Variants in ABCC4 observed in about 807,000 individuals in gnomAD.
ABCC4 encodes ATP binding cassette subfamily C member 4 (PEL blood group).
Under a neutral mutation model 168.5 loss-of-function variants are expected in ABCC4, and 102 were observed. The observed-to-expected ratio is 0.61, with a 90% CI of 0.52 to 0.71. ABCC4 has a LOEUF of 0.71. ABCC4 is among the 30% of genes least tolerant of loss of function. ABCC4 has a pLI of 0.00. For synonymous variants in ABCC4, 617 were observed against 590.7 expected (o/e 1.04, Z -0.65); for missense variants, 1,402 against 1,605.8 (o/e 0.87, Z 2.17).
chr13:95,144,751 T>G (rs1203226527), intron 19 of ABCC4, among the ~76,000 whole-genome samples: 1 of 151,906 alleles, frequency 6.6e-6, no homozygotes, highest in Non-Finnish European at 1.5e-5. Context: ...CACAAACAAA[T>G]GGAAATATAT....
chr13:95,188,861 T>A (rs989860152), intron 9 of ABCC4, among the ~76,000 whole-genome samples: 2 of 152,126 alleles, frequency 1.3e-5, no homozygotes, highest in Non-Finnish European at 2.9e-5. Flanking sequence ...TGAAAACTCA[T>A]GCTAACTTAC....
At chr13:95,116,070 ACAAAT>A (rs1248328934) in intron 19 of ABCC4, 69 bp from the exon 20 acceptor site, 3 of 1,108,010 alleles carry the variant, frequency 2.7e-6, no homozygotes, top group East Asian at 2.4e-5. Flanking sequence ...CAATTCGCAA[ACAAAT>A]CAAAACAATA....
At chr13:95,279,196 T>A (rs1302954932) in intron 1 of ABCC4, among the ~76,000 whole-genome samples, 2 of 152,226 alleles carry the variant, frequency 1.3e-5, no homozygotes, top group African/African-American at 4.8e-5. Context: ...CACGTCACAC[T>A]TCTTAATTCA....
In ABCC4 at chr13:95,076,038, C is replaced by T. The variant is rs533789818; in HGVS notation, c.2687-487G>A. Among the ~76,000 whole-genome samples the T allele has an allele frequency of 1.5e-4, 23 of 152,316 alleles. No individual in the cohort carries two copies. In the South Asian group the frequency reaches 4.4e-3, roughly 29 times the overall value. The stretch of plus-strand genomic sequence containing the variant: ...AAGGGTCAGCTATAGCCATTGCACC[C>T]TGGTAACTGGATGGTACCTGGCACA... On this transcript the variant is annotated intron_variant, in intron 21 of 30. Coordinates refer to ENST00000645237, the MANE Select transcript of ABCC4 (RefSeq NM_005845.5).
chr13:95,224,784 G>GA (rs1054566192), intron 4 of ABCC4, among the ~76,000 whole-genome samples: 6 of 151,630 alleles, frequency 4.0e-5, no homozygotes, highest in African/African-American at 1.5e-4. Context: ...TTTACATGCT[G>GA]AAAAAAAATT....
intron 19 of ABCC4, among the ~76,000 whole-genome samples, chr13:95,158,786 C>A (rs1031270833): frequency 5.3e-5 from 8 of 151,956 alleles, no homozygotes; most frequent in Non-Finnish European, 1.2e-4. Flanking sequence ...TATTATAAAG[C>A]CGGCTGGGTC....
chr13:95,157,747 G>A (rs902570398), intron 19 of ABCC4, among the ~76,000 whole-genome samples: 5 of 152,124 alleles, frequency 3.3e-5, no homozygotes, highest in African/African-American at 1.2e-4. Flanking sequence ...TTAATATCTG[G>A]CATGTTGGAG....
rs2032455283 is a variant in ABCC4, at chr13:95,043,675, G to C, written c.3735+7C>G. 6.3e-7 allele frequency: 1 copy of C among 1,599,862 alleles called. No individual in the cohort carries two copies. The highest frequency in any genetic ancestry group is 8.6e-7 in the Non-Finnish European group (1 of 1,168,090). ...AGCAACAGGAATTCCGCAGGTGAAG[G>C]ACTCACCATTATCTTGTCGCTGTCA... On this transcript the variant is annotated splice_region_variant and intron_variant, in intron 29 of 30. Transcript: ENST00000645237.
intron 13 of ABCC4, among the ~76,000 whole-genome samples, chr13:95,171,274 A>G (rs1031413904): frequency 6.6e-6 from 1 of 152,146 alleles, no homozygotes; most frequent in Non-Finnish European, 1.5e-5. Flanking sequence ...AGTCCAAACC[A>G]TATGGCTCAA....
chr13:95,159,096 TATATATA>T (rs1566475248), intron 19 of ABCC4, among the ~76,000 whole-genome samples: 580 of 52,038 alleles, frequency 0.011, 8 homozygotes, highest in Middle Eastern at 0.054. Context: ...ATAAATTTTA[TATATATA>T]TATATATATA....
Position 95,163,333 on chromosome 13 carries a change from G to A in ABCC4, c.2214-117C>T, listed in dbSNP as rs1234821818. The A allele has an allele frequency of 3.9e-5, 29 of 739,720 alleles. No homozygotes were observed. The Admixed American group carries it at 6.6e-4, about 17-fold the overall frequency. The allele number at this position is 739,720 out of a possible 1,614,324, so 45.8% of individuals were successfully genotyped here. ...GCTTCATGCTGGAAAATGATTCTCA[G>A]CTCACTTAGTCTTGTGTATATCTAC... is the stretch of plus-strand genomic sequence containing the variant. On this transcript the variant is annotated intron_variant, in intron 17 of 30. Coordinates refer to ENST00000645237, the MANE Select transcript of ABCC4 (RefSeq NM_005845.5).
intron 20 of ABCC4, among the ~76,000 whole-genome samples, chr13:95,092,466 C>A (rs1477461243): frequency 6.6e-6 from 1 of 152,064 alleles, no homozygotes; most frequent in Non-Finnish European, 1.5e-5. Flanking sequence ...ATAATCTGCT[C>A]CTGAATGAGC....
chr13:95,231,559 A>T (rs1036665840), intron 4 of ABCC4, among the ~76,000 whole-genome samples: 2 of 152,326 alleles, frequency 1.3e-5, no homozygotes, highest in Admixed American at 6.5e-5. Flanking sequence ...CTGCAGAGCC[A>T]GCCTCTGCCC....
intron 1 of ABCC4, among the ~76,000 whole-genome samples, chr13:95,290,018 C>T (rs1248931382): frequency 4.6e-5 from 7 of 151,920 alleles, no homozygotes; most frequent in Admixed American, 2.0e-4. Context: ...ACTGCTTGAA[C>T]CCGGGAGGCA....
chr13:95,297,882 G>C (rs2041576289), intron 1 of ABCC4, among the ~76,000 whole-genome samples: 1 of 152,154 alleles, frequency 6.6e-6, no homozygotes, highest in Admixed American at 6.6e-5. Flanking sequence ...GAACTACGAG[G>C]TGACTGCTGT....
chr13:95,269,743 T>C (rs2040794281), intron 1 of ABCC4, among the ~76,000 whole-genome samples: 1 of 152,190 alleles, frequency 6.6e-6, no homozygotes, highest in African/African-American at 2.4e-5. Context: ...CAATGGATAA[T>C]TTAACAGTGT....
chr13:95,062,755 T>C lies in ABCC4; in HGVS notation c.3315A>G (p.Thr1105=). The C allele has an allele frequency of 6.2e-7, 1 of 1,614,010 alleles. No individual in the cohort carries two copies. Among genetic ancestry groups the C allele is most frequent in the East Asian group, 2.2e-5 (1 of 44,880 alleles). ...EGKIWIDKIL[T]TEIGLHDLRK... ...TTAAATCGTGAAGTCCAATTTCAGT[T>C]GTCAAGATCTTATCAATCCAAATTT... is the stretch of plus-strand genomic sequence containing the variant. The change falls in exon 26 of 31, where the codon ACA becomes ACG. Residue 1105 remains threonine, a synonymous_variant. Coordinates refer to ENST00000645237, the MANE Select transcript of ABCC4 (RefSeq NM_005845.5).
chr13:95,026,223 ACGG>A (rs2031537606), intron 30 of ABCC4, among the ~76,000 whole-genome samples: 1 of 152,154 alleles, frequency 6.6e-6, no homozygotes, highest in African/African-American at 2.4e-5. Flanking sequence ...TGTGGAATAG[ACGG>A]AGACTCTGTC....
intron 20 of ABCC4, among the ~76,000 whole-genome samples, chr13:95,084,467 G>A (rs1371388752): frequency 6.6e-6 from 1 of 152,160 alleles, no homozygotes; most frequent in African/African-American, 2.4e-5. Flanking sequence ...GAATAGATAA[G>A]AGAAATGTAA....
Sources: allele counts gnomAD v4.1 joint callset (sites outside exome capture counted in the v4.1 genomes callset), GRCh38; gene constraint gnomAD v4.1.1; transcripts MANE v1.5; gene names NCBI Gene and HGNC (gene_info 2026-07-23, HGNC 2026-07-21).